The following PRDX4 variants were observed in gnomAD, a reference collection of about 807,000 sequenced individuals.
PRDX4 encodes the protein peroxiredoxin-4.
PRDX4 carries 12 observed loss-of-function variants against 20.5 expected under a neutral mutation model. That is an observed-to-expected ratio of 0.58 (90% confidence interval 0.37 to 0.95). The LOEUF (loss-of-function observed/expected upper bound fraction) is 0.95. Among genes scored for constraint, PRDX4 ranks in the 40% least tolerant of loss-of-function variants. The pLI is 0.01. For missense variants in PRDX4, 180 were observed against 207.3 expected (o/e 0.87, Z 0.81); for synonymous variants, 99 against 87.5 (o/e 1.13, Z -0.73).
intron 2 of PRDX4, among the ~76,000 whole-genome samples, chrX:23,674,010 C>T (rs1384104473): frequency 9.0e-6 from 1 of 110,740 alleles, no homozygotes; most frequent in East Asian, 2.8e-4. Context: ...ATACATTTTT[C>T]GTTGTCAGCC....
chrX:23,667,735 G>T lies in PRDX4; in HGVS notation c.165G>T (p.Ala55=). 8.3e-7 allele frequency: 1 copy of T among 1,211,862 alleles called. No individual in the cohort carries two copies. The highest frequency in any genetic ancestry group is 1.7e-5 in the African/African-American group (1 of 57,900). The part of the protein sequence containing the change: ...RTREEECHFY[A]GGQVYPGEAS... Reference sequence around the variant, plus strand: ...GCGAAGAGGAGTGCCACTTCTACGCGGGTGGACAAGTGTACCCGGGAGAGG... The same window carrying T: ...GCGAAGAGGAGTGCCACTTCTACGCTGGTGGACAAGTGTACCCGGGAGAGG... Residue 55 remains alanine, a synonymous_variant, in exon 1 of 7, where the codon GCG becomes GCT. Coordinates refer to ENST00000379341, the MANE Select transcript of PRDX4 (RefSeq NM_006406.2).
At chrX:23,685,163 A>C (rs778163572) in intron 6 of PRDX4, among the ~76,000 whole-genome samples, 4 of 112,011 alleles carry the variant, frequency 3.6e-5, no homozygotes, top group African/African-American at 1.3e-4. Context: ...TACTCATCCT[A>C]TAATACCTTT....
chrX:23,681,555 CT>C (rs1928069204), intron 4 of PRDX4, among the ~76,000 whole-genome samples: 2 of 112,126 alleles, frequency 1.8e-5, no homozygotes, highest in South Asian at 3.7e-4. Flanking sequence ...AGTTTCCCCT[CT>C]TTTGTACTTG....
intron 5 of PRDX4, among the ~76,000 whole-genome samples, chrX:23,682,853 A>AAAATATAT (rs1555933130): frequency 4.7e-4 from 7 of 14,876 alleles, no homozygotes; most frequent in Admixed American, 3.5e-3. Flanking sequence ...AAAAAAAAAA[A>AAAATATAT]ATATATATAT....
At chrX:23,686,126 C>G in intron 6 of PRDX4, 159 bp from the exon 7 acceptor site, 1 of 468,189 alleles carries the variant, frequency 2.1e-6, no homozygotes, top group Non-Finnish European at 3.8e-6. Context: ...TTGGAATAGC[C>G]GAAATTAGTA....
At chrX:23,674,065 A>C (rs1207503968) in intron 2 of PRDX4, among the ~76,000 whole-genome samples, 1 of 111,075 alleles carries the variant, frequency 9.0e-6, no homozygotes, top group Non-Finnish European at 1.9e-5. Flanking sequence ...ATCTGGATGC[A>C]CCAGCACAGC....
intron 1 of PRDX4, among the ~76,000 whole-genome samples, chrX:23,668,054 G>A (rs1419507798): frequency 8.9e-6 from 1 of 112,305 alleles, no homozygotes; most frequent in Non-Finnish European, 1.9e-5. Context: ...CCGCAGCTGA[G>A]GGAAAGTGGG....
chrX:23,685,437 T>C (rs933332962), intron 6 of PRDX4, among the ~76,000 whole-genome samples: 4 of 112,021 alleles, frequency 3.6e-5, no homozygotes, highest in African/African-American at 9.7e-5. Context: ...GACTGATTTA[T>C]ACTTTAAGGT....
intron 3 of PRDX4, 43 bp from the exon 4 acceptor site, chrX:23,679,122 C>A (rs1340944023): frequency 5.9e-6 from 7 of 1,182,077 alleles, no homozygotes; most frequent in Admixed American, 4.7e-5. Flanking sequence ...TTAATATATG[C>A]CGTTTACTTA....
rs1601788011 is a variant in PRDX4, at chrX:23,667,925, G to A, written c.241+114G>A. ...ACCCCCTGGGCTGCCTCCGGGCCCT[G>A]GGCGGGCCTGGTTCTCACCTAGGAG... On this transcript the variant is annotated intron_variant, in intron 1 of 6. Coordinates refer to ENST00000379341, the MANE Select transcript of PRDX4 (RefSeq NM_006406.2). 4 of 1,072,614 alleles carry A rather than the reference G, an allele frequency of 3.7e-6. No homozygotes were observed. The East Asian group carries it at 1.3e-4, about 34-fold the overall frequency. 88.4% of individuals were successfully genotyped at this position (1,072,614 alleles called of 1,213,427 possible). A position where few individuals can be genotyped will look rare whatever the true frequency, so the allele number is the denominator to read the frequency against.
chrX:23,679,096 G>T, intron 3 of PRDX4, 69 bp from the exon 4 acceptor site: 2 of 1,103,324 alleles, frequency 1.8e-6, no homozygotes, highest in African/African-American at 3.6e-5. Context: ...TGCATGTATA[G>T]AGAAAGAGTG....
In PRDX4 at chrX:23,675,042, T is replaced by A. The variant is rs1927919147; in HGVS notation, c.412T>A (p.Phe138Ile). ...IIAFGDRLEEFRSINTEVVAC... is the reference protein window; with the variant it reads ...IIAFGDRLEEIRSINTEVVAC... ...CGCTTTTGGCGACAGACTTGAAGAA[T>A]TCAGATCTATAAATACTGAAGTGGT... The change falls in exon 3 of 7, where the codon TTC becomes ATC. Residue 138 changes from phenylalanine (F) to isoleucine (I), a missense_variant. Phe to Ile is a conservative substitution (Grantham distance 21). Coordinates refer to ENST00000379341, the MANE Select transcript of PRDX4 (RefSeq NM_006406.2). 8.3e-7 allele frequency: 1 copy of A among 1,210,016 alleles called. No individual in the cohort carries two copies. The highest frequency in any genetic ancestry group is 1.1e-6 in the Non-Finnish European group (1 of 895,145).
intron 1 of PRDX4, chrX:23,671,294 C>T (rs1205599378): frequency 3.9e-5 from 12 of 310,527 alleles, no homozygotes; most frequent in Non-Finnish European, 6.6e-5. Context: ...TATGATATCA[C>T]CAATTTTTTT....
At chrX:23,677,042 G>A (rs1031225600) in intron 3 of PRDX4, among the ~76,000 whole-genome samples, 1 of 110,545 alleles carries the variant, frequency 9.0e-6, no homozygotes, top group African/African-American at 3.3e-5. Context: ...CATGTTGCCC[G>A]GGCTGTGCTT....
At chrX:23,682,273 T>G in intron 4 of PRDX4, 123 bp from the exon 5 acceptor site, 1 of 330,495 alleles carries the variant, frequency 3.0e-6, no homozygotes, top group Non-Finnish European at 4.9e-6. Flanking sequence ...GTGTATACCA[T>G]TGGAGTAGGT....
chrX:23,669,545 CTG>C (rs1927802664), intron 1 of PRDX4, among the ~76,000 whole-genome samples: 1 of 111,475 alleles, frequency 9.0e-6, no homozygotes, highest in Non-Finnish European at 1.9e-5. Flanking sequence ...ATATCAAAAA[CTG>C]TTCATAATTA....
At chrX:23,682,879 A>AT (rs1928116416) in intron 5 of PRDX4, among the ~76,000 whole-genome samples, 1 of 68,368 alleles carries the variant, frequency 1.5e-5, no homozygotes, top group Non-Finnish European at 2.9e-5. Flanking sequence ...TATATATATA[A>AT]ACTAATATAT....
chrX:23,679,082 C>T (rs1386799868), intron 3 of PRDX4, 83 bp from the exon 4 acceptor site: 19 of 968,515 alleles, frequency 2.0e-5, no homozygotes, highest in East Asian at 3.1e-5. Flanking sequence ...CATGTGTGTG[C>T]GTGTGCATGT....
At chrX:23,684,047 CAAAAAAAAA>C (rs3063544) in intron 6 of PRDX4, among the ~76,000 whole-genome samples, 100 of 58,210 alleles carry the variant, frequency 1.7e-3, no homozygotes, top group Non-Finnish European at 2.4e-3. Context: ...GACTCCTTCT[CAAAAAAAAA>C]AAAAAAAAAA....
Sources: allele counts gnomAD v4.1 joint callset (sites outside exome capture counted in the v4.1 genomes callset), GRCh38; gene constraint gnomAD v4.1.1; transcripts MANE v1.5; gene names NCBI Gene and HGNC (gene_info 2026-07-23, HGNC 2026-07-21).